Variants in SV2C observed in about 807,000 individuals in gnomAD.
The protein encoded by SV2C is synaptic vesicle glycoprotein 2C.
SV2C carries 49 observed loss-of-function variants against 79.7 expected under a neutral mutation model. That is an observed-to-expected ratio of 0.61 (90% CI 0.49 to 0.78). The LOEUF is 0.78. Ranked by LOEUF, SV2C falls within the 30% of genes least tolerant of loss-of-function variation. The pLI, the probability that SV2C is intolerant of heterozygous loss-of-function variation, is 0.00. For synonymous variants in SV2C, 334 were observed against 333.2 expected (o/e 1.00, Z -0.03); for missense variants, 833 against 912.9 (o/e 0.91, Z 1.13).
chr5:76,201,890 C>T (rs528108383), intron 3 of SV2C, among the ~76,000 whole-genome samples: 4 of 151,870 alleles, frequency 2.6e-5, no homozygotes, highest in African/African-American at 9.7e-5. Context: ...TGGTGGCAGG[C>T]GCCTGTAGTC....
chr5:76,013,055 T>C, the SV2C span, among the ~76,000 whole-genome samples: 1 of 152,202 alleles, frequency 6.6e-6, no homozygotes, highest in Non-Finnish European at 1.5e-5. Context: ...TCCAGCTTTG[T>C]TCTTTTTACT....
chr5:76,287,167 T>G (rs1747384763), intron 6 of SV2C, among the ~76,000 whole-genome samples: 1 of 152,232 alleles, frequency 6.6e-6, no homozygotes, highest in African/African-American at 2.4e-5. Flanking sequence ...TAGGCCTTAT[T>G]ATAAGGGATA....
At chr5:76,275,812 C>A (rs2112480734) in intron 4 of SV2C, among the ~76,000 whole-genome samples, 1 of 152,342 alleles carries the variant, frequency 6.6e-6, no homozygotes, top group South Asian at 2.1e-4. Context: ...AATTGAGATC[C>A]TTCCTTGCAT....
At chr5:75,971,359 C>G in the SV2C span, among the ~76,000 whole-genome samples, 4 of 151,964 alleles carry the variant, frequency 2.6e-5, no homozygotes, top group Non-Finnish European at 5.9e-5. Context: ...AAAGGGTATT[C>G]AATTAGGAAA....
At chr5:76,016,338 G>A in the SV2C span, among the ~76,000 whole-genome samples, 3 of 145,938 alleles carry the variant, frequency 2.1e-5, no homozygotes, top group Non-Finnish European at 4.5e-5. Context: ...TGCCCACTGC[G>A]ACATAACAAC....
rs1303630586 is a variant in SV2C at position 76,290,359 on chromosome 5, T to A, written c.1138-862T>A. ...GTTACCCCTTTAAATGTTGGCAGGA[T>A]GTCCGGAAAAACCTGTTCAAACCTC... On this transcript the variant is annotated intron_variant, in intron 6 of 12. Coordinates refer to ENST00000502798, the MANE Select transcript of SV2C (RefSeq NM_014979.4). 7.2e-5 allele frequency among the ~76,000 whole-genome samples: 11 copies of A among 152,320 alleles called. No individual in the cohort carries two copies. The East Asian group carries it at 2.1e-3, about 29-fold the overall frequency.
the SV2C span, among the ~76,000 whole-genome samples, chr5:76,006,293 C>T: frequency 6.6e-6 from 1 of 152,156 alleles, no homozygotes. Context: ...ACATGCCTTC[C>T]CTTCATATAT....
intron 4 of SV2C, among the ~76,000 whole-genome samples, chr5:76,279,615 G>A (rs572355263): frequency 3.7e-4 from 56 of 152,336 alleles, no homozygotes; most frequent in Non-Finnish European, 5.9e-4. Context: ...CTTGGTTAGC[G>A]CAGTTTCTGT....
chr5:75,973,265 T>G, the SV2C span, among the ~76,000 whole-genome samples: 2 of 151,944 alleles, frequency 1.3e-5, no homozygotes. Context: ...ACATGGCACA[T>G]GTATACATAT....
chr5:76,256,476 G>C (rs1269318380), intron 4 of SV2C, among the ~76,000 whole-genome samples: 1 of 152,168 alleles, frequency 6.6e-6, no homozygotes, highest in Admixed American at 6.5e-5. Context: ...GTTGGCTAGG[G>C]TTAATCACAA....
chr5:75,920,486 C>A, the SV2C span, among the ~76,000 whole-genome samples: 1 of 152,200 alleles, frequency 6.6e-6, no homozygotes. Context: ...ACCCCCCCAA[C>A]CACAGCCACC....
chr5:76,263,378 T>C (rs1012604194), intron 4 of SV2C, among the ~76,000 whole-genome samples: 1 of 152,100 alleles, frequency 6.6e-6, no homozygotes, highest in Non-Finnish European at 1.5e-5. Context: ...GAGATGGGTC[T>C]CCTGAATAGA....
At chr5:76,196,527 A>T (rs1744275806) in intron 3 of SV2C, among the ~76,000 whole-genome samples, 1 of 152,208 alleles carries the variant, frequency 6.6e-6, no homozygotes, top group South Asian at 2.1e-4. Flanking sequence ...GCAGACCTAA[A>T]TGTTGAATGA....
At chr5:76,279,077 A>T (rs1340458132) in intron 4 of SV2C, among the ~76,000 whole-genome samples, 1 of 152,104 alleles carries the variant, frequency 6.6e-6, no homozygotes, top group African/African-American at 2.4e-5. Flanking sequence ...GAAGATGAGG[A>T]TGAGGTCTCA....
chr5:76,098,869 G>A (rs1561214418), intron 1 of SV2C, among the ~76,000 whole-genome samples: 2 of 152,092 alleles, frequency 1.3e-5, no homozygotes, highest in East Asian at 1.9e-4. Flanking sequence ...TTCTTCTTAC[G>A]GGCTGACATC....
intron 4 of SV2C, among the ~76,000 whole-genome samples, chr5:76,269,117 A>G (rs1746762290): frequency 6.6e-6 from 1 of 152,146 alleles, no homozygotes; most frequent in Non-Finnish European, 1.5e-5. Flanking sequence ...TAGGCTGGAT[A>G]CTTCTTGTTT....
rs574384149 is a variant in SV2C at position 76,307,578 on chromosome 5, C to T, written c.2000+6033C>T. Among the ~76,000 whole-genome samples the T allele has an allele frequency of 1.1e-4, 16 of 152,242 alleles. 1 individual carries two copies. In the South Asian group the frequency reaches 1.7e-3, roughly 16 times the overall value. ...AGACTAGCCCAAAACAATGGCCTCC[C>T]GTAAAATTTAACTATTTGAATACTT... On this transcript the variant is annotated intron_variant, in intron 12 of 12. Coordinates refer to ENST00000502798, the MANE Select transcript of SV2C (RefSeq NM_014979.4).
At chr5:76,319,410 T>C (rs1053756009) in intron 12 of SV2C, among the ~76,000 whole-genome samples, 1 of 151,628 alleles carries the variant, frequency 6.6e-6, no homozygotes, top group Non-Finnish European at 1.5e-5. Context: ...AGAGCGAGAC[T>C]CCATCTCAAA....
intron 2 of SV2C, among the ~76,000 whole-genome samples, chr5:76,163,710 G>A (rs144563588): frequency 1.7e-3 from 253 of 152,172 alleles, no homozygotes; most frequent in African/African-American, 5.2e-3. Flanking sequence ...AAGAATTTTC[G>A]TAATGAAAAC....
Sources: allele counts gnomAD v4.1 joint callset (sites outside exome capture counted in the v4.1 genomes callset), GRCh38; gene constraint gnomAD v4.1.1; transcripts MANE v1.5; gene names NCBI Gene and HGNC (gene_info 2026-07-23, HGNC 2026-07-21).